Variants in ESRRB observed in about 807,000 individuals in gnomAD.
ESRRB encodes the protein steroid hormone receptor ERR2.
Under a neutral mutation model 46.0 loss-of-function variants are expected in ESRRB, and 16 were observed. The observed-to-expected ratio is 0.35, with a 90% CI of 0.24 to 0.53. The LOEUF (loss-of-function observed/expected upper bound fraction) is 0.53, where lower values mean the gene tolerates loss of function less well. ESRRB is among the 20% of genes least tolerant of loss of function. The pLI is 0.93. For missense variants in ESRRB, 488 were observed against 607.4 expected, an observed-to-expected ratio of 0.80 and a Z score of 2.07; for synonymous variants, 246 against 259.6, an observed-to-expected ratio of 0.95 and a Z score of 0.50.
chr14:76,351,618 C>T (rs554283930), intron 1 of ESRRB, among the ~76,000 whole-genome samples: 3 of 152,288 alleles, frequency 2.0e-5, no homozygotes, highest in East Asian at 3.9e-4. Flanking sequence ...CATATCTTTT[C>T]GAGGGATGCA....
At chr14:76,380,978 T>C (rs1178214519) in intron 1 of ESRRB, among the ~76,000 whole-genome samples, 1 of 152,186 alleles carries the variant, frequency 6.6e-6, no homozygotes, top group Non-Finnish European at 1.5e-5. Context: ...AAGACGTTTT[T>C]AGCATGTATG....
At chr14:76,394,703 C>A (rs1006443344) in intron 1 of ESRRB, among the ~76,000 whole-genome samples, 1 of 152,178 alleles carries the variant, frequency 6.6e-6, no homozygotes, top group Admixed American at 6.5e-5. Context: ...AAATTGTTTG[C>A]TGTCAGCTGC....
chr14:76,333,713 C>T (rs751062904), intron 1 of ESRRB, among the ~76,000 whole-genome samples: 78 of 151,464 alleles, frequency 5.1e-4, no homozygotes, highest in Middle Eastern at 3.4e-3. Flanking sequence ...ATTATCATTT[C>T]GACATATAGG....
chr14:76,358,322 AAAAAGAAAGAAAGAAAGAAAGAAAG>A (rs1884410654), intron 1 of ESRRB, among the ~76,000 whole-genome samples: 3 of 78,164 alleles, frequency 3.8e-5, no homozygotes, highest in Non-Finnish European at 5.5e-5. Context: ...AAAAAAAAAA[AAAAAGAAAGAAAGAAAGAAAGAAAG>A]AAAGAAAGAA....
chr14:76,475,926 T>C (rs1889563279), intron 3 of ESRRB, among the ~76,000 whole-genome samples: 1 of 152,222 alleles, frequency 6.6e-6, no homozygotes, highest in Non-Finnish European at 1.5e-5. Context: ...TACAGAGAGA[T>C]GCCATGCATC....
chr14:76,389,765 A>G (rs1885390669), intron 1 of ESRRB, among the ~76,000 whole-genome samples: 1 of 152,256 alleles, frequency 6.6e-6, no homozygotes, highest in African/African-American at 2.4e-5. Flanking sequence ...CACAATCATT[A>G]TTAAAAATTA....
At chr14:76,352,810 C>G (rs779930571) in intron 1 of ESRRB, among the ~76,000 whole-genome samples, 9 of 152,246 alleles carry the variant, frequency 5.9e-5, no homozygotes, top group Non-Finnish European at 1.3e-4. Flanking sequence ...CCTCGAACTC[C>G]GGGCTTTCTG....
intron 1 of ESRRB, among the ~76,000 whole-genome samples, chr14:76,331,209 A>T (rs900241844): frequency 6.6e-6 from 1 of 151,870 alleles, no homozygotes; most frequent in African/African-American, 2.4e-5. Flanking sequence ...CCCTGGCATG[A>T]CTCCTGGCAG....
At chr14:76,387,809 A>C (rs1051890815) in intron 1 of ESRRB, among the ~76,000 whole-genome samples, 3 of 152,206 alleles carry the variant, frequency 2.0e-5, no homozygotes, top group Non-Finnish European at 4.4e-5. Flanking sequence ...TTGATGTAAG[A>C]AAAGTGTCTG....
chr14:76,462,499 C>A lies in ESRRB; in HGVS notation c.461-46C>A, dbSNP rs574446165. On this transcript the variant is annotated intron_variant, in intron 2 of 6. Transcript: ENST00000644823. ...CCAGCCCTGCGCTGGCAGGTGGGGG[C>A]CCTGGGCGGCCAGCACCCGGCAACC... is the stretch of plus-strand genomic sequence containing the variant. The A allele has an allele frequency of 4.8e-6, 7 of 1,473,490 alleles. No homozygotes were observed. The African/African-American group carries it at 6.9e-5, about 15-fold the overall frequency. 91.3% of individuals were successfully genotyped at this position (1,473,490 alleles called of 1,614,324 possible).
upstream of ESRRB, among the ~76,000 whole-genome samples, chr14:76,369,949 C>T (rs1238196233): frequency 1.3e-5 from 2 of 152,168 alleles, no homozygotes; most frequent in East Asian, 3.8e-4. Flanking sequence ...TGCAAAGAAA[C>T]TGTTTATTCT....
At chr14:76,433,676 G>T (rs1477191342) in intron 1 of ESRRB, among the ~76,000 whole-genome samples, 1 of 152,136 alleles carries the variant, frequency 6.6e-6, no homozygotes, top group Non-Finnish European at 1.5e-5. Context: ...AGAATTGTCT[G>T]CATTCACTAC....
chr14:76,346,344 G>T (rs116425088), intron 1 of ESRRB, among the ~76,000 whole-genome samples: 7 of 152,088 alleles, frequency 4.6e-5, no homozygotes. Flanking sequence ...CCCTCTGATC[G>T]GCTGAGACGC....
chr14:76,452,938 A>C (rs1888455692), intron 2 of ESRRB, among the ~76,000 whole-genome samples: 2 of 152,232 alleles, frequency 1.3e-5, no homozygotes, highest in Admixed American at 1.3e-4. Context: ...GTGGGGTTTT[A>C]AGTCTAAGGA....
chr14:76,488,324 CA>C (rs1212453296), intron 5 of ESRRB, among the ~76,000 whole-genome samples: 14 of 152,094 alleles, frequency 9.2e-5, no homozygotes, highest in African/African-American at 3.4e-4. Flanking sequence ...AGAGAGTGAT[CA>C]GGGGCTGAGT....
At chr14:76,311,020 C>CTCTCTCTCTCTCT (rs1883726342) in intron 1 of ESRRB, 1 of 397,818 alleles carries the variant, frequency 2.5e-6, no homozygotes, top group African/African-American at 2.3e-5. Context: ...CTCTCTCTCT[C>CTCTCTCTCTCTCT]AATGGATAAA....
At chr14:76,428,241 G>C (rs1887285171) in intron 1 of ESRRB, among the ~76,000 whole-genome samples, 1 of 151,996 alleles carries the variant, frequency 6.6e-6, no homozygotes, top group Non-Finnish European at 1.5e-5. Context: ...CAGGTGATCC[G>C]CCCACCTTGG....
At chr14:76,461,283 T>C (rs1238546535) in intron 2 of ESRRB, among the ~76,000 whole-genome samples, 1 of 152,170 alleles carries the variant, frequency 6.6e-6, no homozygotes, top group Admixed American at 6.5e-5. Context: ...GTATTAGTAC[T>C]TATTTTCTCT....
chr14:76,333,013 T>C (rs1434459132), intron 1 of ESRRB, among the ~76,000 whole-genome samples: 2 of 13,490 alleles, frequency 1.5e-4, no homozygotes, highest in Non-Finnish European at 1.2e-4. Context: ...TATTATATAT[T>C]TATATATTAT....
Sources: allele counts gnomAD v4.1 joint callset (sites outside exome capture counted in the v4.1 genomes callset), GRCh38; gene constraint gnomAD v4.1.1; transcripts MANE v1.5; gene names NCBI Gene and HGNC (gene_info 2026-07-23, HGNC 2026-07-21).